CTH: variants seen among roughly 807,000 people sequenced by gnomAD.
CTH encodes the protein cystathionase (cystathionine gamma-lyase).
Under a neutral mutation model 50.6 loss-of-function variants are expected in CTH, and 41 were observed. That is an observed-to-expected ratio of 0.81 (90% CI 0.63 to 1.05). The LOEUF is 1.05. Ranked by LOEUF, CTH falls within the 50% of genes least tolerant of loss-of-function variation. The probability of loss-of-function intolerance (pLI) is 0.00; values close to 1 mark genes in which losing one functional copy is unlikely to be tolerated. For synonymous variants in CTH, 156 were observed against 168.9 expected (o/e 0.92, Z 0.59); for missense variants, 470 against 492.6 (o/e 0.95, Z 0.43).
chr1:70,426,107 C>T (rs902201141), intron 5 of CTH, among the ~76,000 whole-genome samples: 7 of 152,182 alleles, frequency 4.6e-5, no homozygotes, highest in Admixed American at 2.0e-4. Context: ...GACCACCCCT[C>T]CCATACATCT....
chr1:70,429,787 C>A lies in CTH; in HGVS notation c.589-7C>A. The stretch of plus-strand genomic sequence containing the variant: ...TCTCATTTAAAGTAAAAAACTTGTT[C>A]TTTCAGCGCCCTTTGGCTCTGGGAG... On this transcript the variant is annotated splice_polypyrimidine_tract_variant and splice_region_variant and intron_variant, in intron 5 of 11. Transcript: ENST00000370938. 6.2e-7 allele frequency: 1 copy of A among 1,608,940 alleles called. No homozygotes were observed. Among genetic ancestry groups the A allele is most frequent in the Non-Finnish European group, 8.5e-7 (1 of 1,175,806 alleles).
chr1:70,425,943 C>G (rs907840211), intron 5 of CTH, among the ~76,000 whole-genome samples: 7 of 152,054 alleles, frequency 4.6e-5, no homozygotes, highest in Admixed American at 3.3e-4. Flanking sequence ...AGGCAAAAAT[C>G]ACCCTAATCA....
chr1:70,420,630 G>A (rs1308002661), intron 3 of CTH, among the ~76,000 whole-genome samples: 1 of 152,072 alleles, frequency 6.6e-6, no homozygotes, highest in African/African-American at 2.4e-5. Context: ...GCCTGGGTTG[G>A]GGACCCCTGC....
chr1:70,423,293 T>C (rs1684267849), intron 4 of CTH, among the ~76,000 whole-genome samples: 1 of 151,656 alleles, frequency 6.6e-6, no homozygotes. Flanking sequence ...AAGAATCAGC[T>C]GGGCACAGTG....
intron 10 of CTH, among the ~76,000 whole-genome samples, chr1:70,437,496 C>G (rs190177194): frequency 2.6e-4 from 40 of 152,230 alleles, no homozygotes; most frequent in Admixed American, 6.5e-4. Flanking sequence ...ATTATTATTT[C>G]AGATAAGGAA....
At position 70,424,387 on chromosome 1, in the gene CTH, G is replaced by T; in HGVS notation, c.559G>T (p.Asp187Tyr). 1 of 1,614,010 alleles carries T rather than the reference G, an allele frequency of 6.2e-7. No individual in the cohort carries two copies. Among genetic ancestry groups the T allele is most frequent in the South Asian group, 1.1e-5 (1 of 91,074 alleles). The change falls in exon 5 of 12, where the codon GAT becomes TAT. Residue 187 changes from aspartate to tyrosine, a missense_variant. Asp to Tyr is a radical substitution (Grantham distance 160, BLOSUM62 -3). Transcript: ENST00000370938. Reference protein sequence around the residue: ...HKHGDIILVVDNTFMSPYFQR... With the variant: ...HKHGDIILVVYNTFMSPYFQR... ...GCATGGAGACATTATTTTGGTCGTG[G>T]ATAACACTTTTATGTCACCATATTT...
chr1:70,433,590 C>G (rs1684528233), intron 8 of CTH, among the ~76,000 whole-genome samples: 2 of 151,968 alleles, frequency 1.3e-5, no homozygotes, highest in African/African-American at 2.4e-5. Context: ...GTGCAAAGGT[C>G]CTGAGATGAA....
intron 5 of CTH, among the ~76,000 whole-genome samples, chr1:70,426,156 C>G (rs113162044): frequency 6.6e-6 from 1 of 152,210 alleles, no homozygotes; most frequent in East Asian, 1.9e-4. Context: ...CTAGTTTCAT[C>G]CTCTTTTGTG....
intron 5 of CTH, among the ~76,000 whole-genome samples, chr1:70,424,680 C>T (rs1341332382): frequency 2.6e-5 from 4 of 152,178 alleles, no homozygotes; most frequent in African/African-American, 7.2e-5. Flanking sequence ...TGGTGGCTCA[C>T]GCCTGTAATC....
At chr1:70,420,244 G>A (rs1270846338) in intron 3 of CTH, among the ~76,000 whole-genome samples, 2 of 152,000 alleles carry the variant, frequency 1.3e-5, no homozygotes, top group Non-Finnish European at 2.9e-5. Context: ...CACCTGCCTC[G>A]GCCTCCCAAA....
intron 5 of CTH, among the ~76,000 whole-genome samples, chr1:70,427,774 G>A (rs1377833893): frequency 2.0e-5 from 3 of 152,078 alleles, no homozygotes; most frequent in Admixed American, 1.3e-4. Flanking sequence ...GTGCAGTGGC[G>A]CGATCTCAGC....
chr1:70,417,763 T>C (rs1334307633), intron 2 of CTH, among the ~76,000 whole-genome samples, 174 bp from the exon 3 acceptor site: 1 of 152,240 alleles, frequency 6.6e-6, no homozygotes, highest in African/African-American at 2.4e-5. Flanking sequence ...TTTAAAGATA[T>C]CTTATTCTTG....
chr1:70,418,129 A>G, intron 3 of CTH, 97 bp downstream of exon 3: 1 of 1,414,950 alleles, frequency 7.1e-7, no homozygotes, highest in Non-Finnish European at 9.8e-7. Flanking sequence ...AGTATTTTTG[A>G]TTATTTATTA....
At position 70,439,451 on chromosome 1, in the gene CTH, T is replaced by C. The variant is rs939642965; in HGVS notation, c.*324T>C. 3.7e-6 allele frequency: 1 copy of C among 268,682 alleles called. No individual in the cohort carries two copies. Among genetic ancestry groups the C allele is most frequent in the Non-Finnish European group, 7.1e-6 (1 of 141,438 alleles). The allele number at this position is 268,682 out of a possible 1,614,324, so 16.6% of individuals were successfully genotyped here. A position where few individuals can be genotyped will look rare whatever the true frequency, so the allele number is the denominator to read the frequency against. On this transcript the variant is annotated 3_prime_UTR_variant, in exon 12 of 12. Coordinates refer to ENST00000370938, the MANE Select transcript of CTH (RefSeq NM_001902.6). ...ATTTATTTTGATCATGTTTATAATA[T>C]AATGGTAATTCATTTTTGATGTTTT...
chr1:70,428,973 T>C (rs1417746479), intron 5 of CTH, among the ~76,000 whole-genome samples: 1 of 152,096 alleles, frequency 6.6e-6, no homozygotes, highest in African/African-American at 2.4e-5. Flanking sequence ...CAGGCTGAAG[T>C]GCAGCGGCTT....
chr1:70,411,534 C>T lies in CTH; in HGVS notation c.119C>T (p.Pro40Leu), dbSNP rs1683964259. 6.2e-7 allele frequency: 1 copy of T among 1,614,192 alleles called. No individual in the cohort carries two copies. Among genetic ancestry groups the T allele is most frequent in the Admixed American group, 1.7e-5 (1 of 60,028 alleles). Residue 40 changes from proline (P) to leucine (L), a missense_variant, in exon 1 of 12, where the codon CCC (proline) becomes CTC (leucine). Coordinates refer to ENST00000370938, the MANE Select transcript of CTH (RefSeq NM_001902.6). ...EQWTSRAVVP[P>L]ISLSTTFKQG... ...TGGACCTCCAGGGCTGTAGTGCCCC[C>T]CATCTCACTGTCCACCACGTTCAAG...
rs1684671590 is a variant in CTH, at chr1:70,439,432, T to A, written c.*305T>A. ...TTCTTTTTTCATGTCTAAGATTTAT[T>A]TTGATCATGTTTATAATATAATGGT... is the stretch of plus-strand genomic sequence containing the variant. On this transcript the variant is annotated 3_prime_UTR_variant, in exon 12 of 12. Coordinates refer to ENST00000370938, the MANE Select transcript of CTH (RefSeq NM_001902.6). 2 of 356,034 alleles carry A rather than the reference T, an allele frequency of 5.6e-6. No homozygotes were observed. The highest frequency in any genetic ancestry group is 1.0e-5 in the Non-Finnish European group (2 of 194,436). 22.1% of individuals were successfully genotyped at this position (356,034 alleles called of 1,614,324 possible). A position where few individuals can be genotyped will look rare whatever the true frequency, so the allele number is the denominator to read the frequency against.
At chr1:70,418,814 C>G (rs1684151572) in intron 3 of CTH, among the ~76,000 whole-genome samples, 1 of 151,934 alleles carries the variant, frequency 6.6e-6, no homozygotes, top group Non-Finnish European at 1.5e-5. Flanking sequence ...GGCCTCTTTT[C>G]CCAAAAAATG....
At position 70,417,882 on chromosome 1, in the gene CTH, G is replaced by T. The variant is rs550525706; in HGVS notation, c.251-55G>T. The T allele has an allele frequency of 8.0e-4, 1,274 of 1,597,994 alleles. 1 individual carries two copies. Among genetic ancestry groups the T allele is most frequent in the Non-Finnish European group, 9.9e-4 (1,154 of 1,166,150 alleles). ...AAGTCAGGTAAATACTTGGAGGTGT[G>T]TTGTAACCTATAGGCCTGACTTTTC... On this transcript the variant is annotated intron_variant, in intron 2 of 11. Transcript: ENST00000370938.
Sources: gnomAD v4.1 joint callset for allele counts (sites outside exome capture counted in the v4.1 genomes callset) on GRCh38, gnomAD v4.1.1 for gene constraint, MANE v1.5 for transcripts, NCBI Gene and HGNC (gene_info 2026-07-23, HGNC 2026-07-21) for gene names.